Variants in CDC42 observed in about 807,000 individuals in gnomAD.
CDC42 encodes the protein cell division control protein 42 homolog.
In CDC42, 1 loss-of-function variant was observed where a neutral mutation model predicts 20.8. The ratio of observed to expected loss-of-function variants is 0.05; its 90% CI spans 0.02 to 0.23. The LOEUF (loss-of-function observed/expected upper bound fraction) is 0.23, where lower values mean the gene tolerates loss of function less well. Ranked by LOEUF, CDC42 falls within the 10% of genes least tolerant of loss-of-function variation. The pLI is 1.00. For synonymous variants in CDC42, 72 were observed against 84.8 expected, an observed-to-expected ratio of 0.85 and a Z score of 0.83; for missense variants, 49 against 227.9, an observed-to-expected ratio of 0.21 and a Z score of 5.05.
intron 1 of CDC42, among the ~76,000 whole-genome samples, chr1:22,074,643 C>T (rs1307986425): frequency 6.6e-6 from 1 of 152,154 alleles, no homozygotes; most frequent in Non-Finnish European, 1.5e-5. Context: ...TGGTCTTGAA[C>T]TCCTCAGCTC....
chr1:22,078,748 T>C, intron 2 of CDC42, 165 bp downstream of exon 2: 1 of 1,497,798 alleles, frequency 6.7e-7, no homozygotes. Flanking sequence ...TTTAAACAGC[T>C]GAAAAATCAG....
intron 1 of CDC42, among the ~76,000 whole-genome samples, chr1:22,073,028 G>C (rs1030947255): frequency 4.6e-5 from 7 of 152,148 alleles, no homozygotes; most frequent in Admixed American, 3.9e-4. Context: ...TGGGGCACGG[G>C]AAAATAGGGC....
intron 5 of CDC42, chr1:22,090,901 CTCTG>C (rs1172674415): frequency 5.7e-6 from 3 of 524,808 alleles, no homozygotes; most frequent in East Asian, 1.5e-4. Flanking sequence ...ATCTCCTTGA[CTCTG>C]TCTAACTGGT....
rs186270166 is a variant in CDC42, at chr1:22,066,471, G to C, written c.-50-11958G>C. On this transcript the variant is annotated intron_variant, in intron 1 of 5. Transcript: ENST00000656825. The stretch of plus-strand genomic sequence containing the variant: ...TTCATTTATTCGGTGAGTGTGTCCT[G>C]TGTGACTGGTATTGAGCTATTTTGT... 2.0e-5 allele frequency among the ~76,000 whole-genome samples: 3 copies of C among 152,290 alleles called. No individual in the cohort carries two copies. The East Asian group carries it at 5.8e-4, about 29-fold the overall frequency.
In CDC42 at chr1:22,052,724, C is replaced by T. The variant is rs1445396642; in HGVS notation, c.-69C>T. 6.5e-6 allele frequency: 1 copy of T among 152,838 alleles called. No individual in the cohort carries two copies. The highest frequency in any genetic ancestry group is 1.5e-5 in the Non-Finnish European group (1 of 68,168). The allele number at this position is 152,838 out of a possible 1,614,324, so 9.5% of individuals were successfully genotyped here. A position where few individuals can be genotyped will look rare whatever the true frequency, so the allele number is the denominator to read the frequency against. Reference sequence around the variant, plus strand: ...GAGACCCCGCGCAGTGCTGCCAACGCCCCGGTGGAGAAGCTGAGGTGAGTG... The same window carrying T: ...GAGACCCCGCGCAGTGCTGCCAACGTCCCGGTGGAGAAGCTGAGGTGAGTG... On this transcript the variant is annotated 5_prime_UTR_variant, in exon 1 of 6. Coordinates refer to ENST00000656825, the MANE Select transcript of CDC42 (RefSeq NM_001791.4).
intron 5 of CDC42, among the ~76,000 whole-genome samples, chr1:22,088,001 T>A (rs1645677965): frequency 6.6e-6 from 1 of 152,228 alleles, no homozygotes; most frequent in African/African-American, 2.4e-5. Context: ...TAGTATCAGA[T>A]GATTTAAACA....
rs1007320688 is a variant in CDC42, at chr1:22,098,111, C to T, written c.*6594C>T. The stretch of plus-strand genomic sequence containing the variant: ...GTCTCAGTCATCAGGATTCCTGGAC[C>T]CTGTAGGATTTACTCTCAATCTTTA... On this transcript the variant is annotated 3_prime_UTR_variant, in exon 6 of 6. Transcript: ENST00000656825. Among the ~76,000 whole-genome samples, 1 of 152,056 alleles carries T rather than the reference C, an allele frequency of 6.6e-6. No individual in the cohort carries two copies. Among genetic ancestry groups the T allele is most frequent in the Non-Finnish European group, 1.5e-5 (1 of 67,994 alleles).
intron 1 of CDC42, among the ~76,000 whole-genome samples, chr1:22,060,947 G>A (rs1240066467): frequency 6.6e-6 from 1 of 152,138 alleles, no homozygotes; most frequent in African/African-American, 2.4e-5. Context: ...TATTCGTGCT[G>A]TTTATTTGCT....
chr1:22,090,197 C>A, intron 5 of CDC42: 1 of 1,292,214 alleles, frequency 7.7e-7, no homozygotes. Context: ...AATGCAATAT[C>A]ATATAAATTT....
chr1:22,073,661 C>A (rs986370127), intron 1 of CDC42, among the ~76,000 whole-genome samples: 3 of 152,094 alleles, frequency 2.0e-5, no homozygotes, highest in Non-Finnish European at 4.4e-5. Context: ...TTGGCAGAAT[C>A]ATTTTAAAAA....
At chr1:22,079,958 A>C (rs1645591606) in intron 2 of CDC42, among the ~76,000 whole-genome samples, 1 of 152,220 alleles carries the variant, frequency 6.6e-6, no homozygotes, top group Non-Finnish European at 1.5e-5. Flanking sequence ...GAACCGATTT[A>C]GGTAAATGAA....
rs915953912 is a variant in CDC42 at position 22,096,171 on chromosome 1, G to C, written c.*4654G>C. Among the ~76,000 whole-genome samples the C allele has an allele frequency of 2.6e-5, 4 of 151,930 alleles. No homozygotes were observed. The highest frequency in any genetic ancestry group is 9.7e-5 in the African/African-American group (4 of 41,344). On this transcript the variant is annotated 3_prime_UTR_variant, in exon 6 of 6. Transcript: ENST00000656825. Reference sequence around the variant, plus strand: ...AGACTGGGTGTCACTATGTTGGCCAGACAGATCTCAAACTCCTGACCTCCT... The same window carrying C: ...AGACTGGGTGTCACTATGTTGGCCACACAGATCTCAAACTCCTGACCTCCT...
intron 1 of CDC42, among the ~76,000 whole-genome samples, chr1:22,066,610 A>G (rs900630737): frequency 2.0e-5 from 3 of 152,190 alleles, no homozygotes; most frequent in African/African-American, 7.2e-5. Context: ...ACAATAAAGG[A>G]AATAAGGTAA....
intron 5 of CDC42, among the ~76,000 whole-genome samples, chr1:22,087,795 TA>T (rs1313256615): frequency 2.6e-5 from 4 of 152,204 alleles, no homozygotes; most frequent in African/African-American, 9.7e-5. Flanking sequence ...ATTGTGTTTC[TA>T]AAAAACACTA....
chr1:22,081,159 ACT>A (rs1033985304), intron 2 of CDC42, among the ~76,000 whole-genome samples: 8 of 151,910 alleles, frequency 5.3e-5, no homozygotes, highest in Non-Finnish European at 1.2e-4. Context: ...ACGCAGTGAG[ACT>A]CTGTCTCAAA....
intron 3 of CDC42, among the ~76,000 whole-genome samples, chr1:22,083,804 C>T (rs1331020576): frequency 6.6e-6 from 1 of 152,188 alleles, no homozygotes; most frequent in East Asian, 1.9e-4. Flanking sequence ...TTGCAGTCAG[C>T]CCTGTCCCTT....
At position 22,078,485 on chromosome 1, in the gene CDC42, A is replaced by G; in HGVS notation, c.7A>G (p.Thr3Ala). The stretch of plus-strand genomic sequence containing the variant: ...ATACAAAACTATTTCAGCAATGCAG[A>G]CAATTAAGTGTGTTGTTGTGGGCGA... MQ[T>A]IKCVVVGDGA... is the part of the protein sequence containing the mutation. Residue 3 changes from threonine (T) to alanine (A), a missense_variant, in exon 2 of 6, where the codon ACA becomes GCA. Physicochemically the swap from Thr to Ala is moderately conservative, Grantham distance 58. Coordinates refer to ENST00000656825, the MANE Select transcript of CDC42 (RefSeq NM_001791.4). The G allele has an allele frequency of 6.2e-7, 1 of 1,607,432 alleles. No homozygotes were observed. Among genetic ancestry groups the G allele is most frequent in the Non-Finnish European group, 8.5e-7 (1 of 1,176,924 alleles).
At position 22,081,124 on chromosome 1, in the gene CDC42, A is replaced by G. The variant is rs558748041; in HGVS notation, c.106-598A>G. On this transcript the variant is annotated intron_variant, in intron 2 of 5. Transcript: ENST00000656825. ...GCAGAGGTTGCAGTGAGCCGAGACC[A>G]TGCCATTGCACTCCAGCCTGGATGA... Among the ~76,000 whole-genome samples the G allele has an allele frequency of 2.6e-4, 39 of 152,260 alleles. No homozygotes were observed. In the East Asian group the frequency reaches 6.0e-3, roughly 23 times the overall value.
At chr1:22,055,164 AG>A (rs1443467823) in intron 1 of CDC42, among the ~76,000 whole-genome samples, 1 of 151,098 alleles carries the variant, frequency 6.6e-6, no homozygotes, top group Non-Finnish European at 1.5e-5. Flanking sequence ...GGTGTTAGCC[AG>A]GATAGTCTTG....
Sources: gnomAD v4.1 joint callset for allele counts (sites outside exome capture counted in the v4.1 genomes callset) on GRCh38, gnomAD v4.1.1 for gene constraint, MANE v1.5 for transcripts, NCBI Gene and HGNC (gene_info 2026-07-23, HGNC 2026-07-21) for gene names.